The following GOLGA3 variants were observed in gnomAD, a reference collection of about 807,000 sequenced individuals.
GOLGA3 encodes golgin A3, also known as golgin subfamily A member 3.
A neutral mutation model predicts 169.4 loss-of-function variants in GOLGA3; 75 were observed. The ratio of observed to expected loss-of-function variants is 0.44; its 90% CI spans 0.37 to 0.54. The LOEUF (loss-of-function observed/expected upper bound fraction) is 0.54. GOLGA3 is among the 20% of genes least tolerant of loss of function. GOLGA3 has a pLI of 0.00. For missense variants in GOLGA3, 1,899 were observed against 1,930.0 expected (o/e 0.98, Z 0.30); for synonymous variants, 824 against 822.4 (o/e 1.00, Z -0.03).
rs768001834 is a variant in GOLGA3, at chr12:132,772,240, GCTT to G, written c.*862_*864del. On this transcript the variant is annotated 3_prime_UTR_variant, in exon 24 of 24. Transcript: ENST00000450791. ...TTCTTCTTCAATAACATGAGCATAT[GCTT>G]CTTAAAGACTGGGTGACAGGCCGGG... 6.6e-6 allele frequency: 1 copy of G among 152,152 alleles called. No individual in the cohort carries two copies. Among genetic ancestry groups the G allele is most frequent in the Non-Finnish European group, 1.5e-5 (1 of 68,028 alleles). The allele number at this position is 152,152 out of a possible 1,614,324, so 9.4% of individuals were successfully genotyped here. A position where few individuals can be genotyped will look rare whatever the true frequency, so the allele number is the denominator to read the frequency against.
chr12:132,800,454 A>G (rs904967600), intron 8 of GOLGA3, among the ~76,000 whole-genome samples: 5 of 152,144 alleles, frequency 3.3e-5, no homozygotes, highest in African/African-American at 1.2e-4. Flanking sequence ...AGATCACAAC[A>G]CTGTACTCCA....
Position 132,804,151 on chromosome 12 carries a change from G to C in GOLGA3, c.1597+565C>G, listed in dbSNP as rs1593326870. 2.0e-5 allele frequency among the ~76,000 whole-genome samples: 3 copies of C among 152,358 alleles called. 1 individual carries two copies. The South Asian group carries it at 6.2e-4, about 32-fold the overall frequency. On this transcript the variant is annotated intron_variant, in intron 7 of 23. Coordinates refer to ENST00000450791, the MANE Select transcript of GOLGA3 (RefSeq NM_001389683.1). This position sits in a 1 kb window ranked among gnomAD's most constrained non-coding sequence, Gnocchi z 4.1. ...TCTGGGCGAGCCCTATAGGGAGGCA[G>C]CTGGACCGACGCACTGCATCCAGGG...
chr12:132,780,292 A>C (rs2045524048), intron 18 of GOLGA3, among the ~76,000 whole-genome samples: 1 of 152,206 alleles, frequency 6.6e-6, no homozygotes, highest in African/African-American at 2.4e-5. Flanking sequence ...GGAGGTAGCC[A>C]GCAAGCAGCA....
Position 132,796,145 on chromosome 12 carries a change from G to A in GOLGA3, c.2176C>T (p.Leu726Phe), listed in dbSNP as rs759574934. The A allele has an allele frequency of 1.9e-6, 3 of 1,610,602 alleles. No individual in the cohort carries two copies. Among genetic ancestry groups the A allele is most frequent in the Admixed American group, 1.7e-5 (1 of 59,976 alleles). Residue 726 changes from leucine (L) to phenylalanine (F), a missense_variant, in exon 11 of 24, where the codon CTC becomes TTC. Coordinates refer to ENST00000450791, the MANE Select transcript of GOLGA3 (RefSeq NM_001389683.1). ...TGCAGAGCCTCCTGAGTCAAGGTGA[G>A]CTGTTTCATCAGGTCCAGGTGCTCC... is the stretch of plus-strand genomic sequence containing the variant. The part of the protein sequence containing the change: ...QQEHLDLMKQ[L>F]TLTQEALQSR...
At chr12:132,826,505 C>G (rs1351146824) in intron 1 of GOLGA3, among the ~76,000 whole-genome samples, 3 of 151,674 alleles carry the variant, frequency 2.0e-5, no homozygotes, top group African/African-American at 7.3e-5. Flanking sequence ...ATGGTGACAG[C>G]CAACCGCACC....
At position 132,804,978 on chromosome 12, in the gene GOLGA3, G is replaced by C. The variant is rs1225686802; in HGVS notation, c.1335C>G (p.Leu445=). The change falls in exon 7 of 24, where the codon CTC becomes CTG. Residue 445 remains leucine, a synonymous_variant. Transcript: ENST00000450791. This position sits in a 1 kb window ranked among gnomAD's most constrained non-coding sequence, Gnocchi z 4.1. Reference sequence around the variant, plus strand: ...CCACCTGCGCCTGCAGCTTCGTGCTGAGGGCGGCCAGCTGGGCCTGCAGCT... The same window carrying C: ...CCACCTGCGCCTGCAGCTTCGTGCTCAGGGCGGCCAGCTGGGCCTGCAGCT... ...KAELQAQLAA[L]STKLQAQVEC... 1 of 1,612,434 alleles carries C rather than the reference G, an allele frequency of 6.2e-7. No homozygotes were observed. Among genetic ancestry groups the C allele is most frequent in the East Asian group, 2.2e-5 (1 of 44,882 alleles).
At chr12:132,814,518 C>T (rs1268314004) in intron 3 of GOLGA3, among the ~76,000 whole-genome samples, 2 of 152,350 alleles carry the variant, frequency 1.3e-5, no homozygotes, top group South Asian at 2.1e-4. Flanking sequence ...GCTCAGCCGT[C>T]GTGGGGTCAC....
intron 4 of GOLGA3, among the ~76,000 whole-genome samples, chr12:132,809,363 C>T (rs1949582653): frequency 6.6e-6 from 1 of 152,218 alleles, no homozygotes; most frequent in Admixed American, 6.5e-5. Flanking sequence ...CAGTCAGGCC[C>T]TCCACAAGAG....
rs1189864437 is a variant in GOLGA3, at chr12:132,774,205, A to C, written c.4259T>G (p.Val1420Gly). Residue 1420 changes from valine (V) to glycine (G), a missense_variant, in exon 23 of 24, where the codon GTG (valine) becomes GGG (glycine). Coordinates refer to ENST00000450791, the MANE Select transcript of GOLGA3 (RefSeq NM_001389683.1). ...LEELLRPPPA[V>G]SKEPLKNLNS... ...CAGGTTCTTGAGGGGCTCCTTGCTC[A>C]CGGCGGGCGGTGGTCTCAGCAGCTC... The C allele has an allele frequency of 6.2e-7, 1 of 1,609,972 alleles. No homozygotes were observed. The highest frequency in any genetic ancestry group is 1.3e-5 in the African/African-American group (1 of 74,898).
intron 6 of GOLGA3, among the ~76,000 whole-genome samples, chr12:132,805,677 T>C (rs1258822829): frequency 6.6e-6 from 1 of 151,868 alleles, no homozygotes; most frequent in Non-Finnish European, 1.5e-5. Context: ...AAAAGGCGAC[T>C]TTCCAAACAG....
chr12:132,802,559 A>G (rs2136539985), intron 7 of GOLGA3, among the ~76,000 whole-genome samples: 1 of 152,170 alleles, frequency 6.6e-6, no homozygotes, highest in African/African-American at 2.4e-5. Flanking sequence ...CAGGAGTTTG[A>G]GGCTGCAGTG....
intron 4 of GOLGA3, 72 bp downstream of exon 4, chr12:132,813,235 G>T: frequency 1.0e-6 from 1 of 1,000,222 alleles, no homozygotes; most frequent in Non-Finnish European, 1.6e-6. Flanking sequence ...AGGTCCCCGG[G>T]TTATGTGGGA....
intron 22 of GOLGA3, chr12:132,774,872 G>C (rs1733532430): frequency 1.9e-6 from 1 of 528,084 alleles, no homozygotes; most frequent in African/African-American, 2.0e-5. Context: ...GGACTGCCGA[G>C]TCACAGACCA....
intron 23 of GOLGA3, 110 bp from the exon 24 acceptor site, chr12:132,773,404 G>A (rs138174089): frequency 0.011 from 6,966 of 617,808 alleles, 85 homozygotes; most frequent in Middle Eastern, 0.035. Flanking sequence ...GGGCGCCTTC[G>A]GGGATCCGCA....
chr12:132,798,432 C>G lies in GOLGA3; in HGVS notation c.1846G>C (p.Glu616Gln). 1 of 1,613,446 alleles carries G rather than the reference C, an allele frequency of 6.2e-7. No individual in the cohort carries two copies. The highest frequency in any genetic ancestry group is 8.5e-7 in the Non-Finnish European group (1 of 1,179,722). Residue 616 changes from glutamate (E) to glutamine (Q), a missense_variant, in exon 9 of 24, where the codon GAG (glutamate) becomes CAG (glutamine). Glu to Gln is a conservative substitution (Grantham distance 29). Transcript: ENST00000450791. ...AGCTGCTGGGACAGGGACACATTCT[C>G]GAGTTTCAGGTGCTCCAGGAGACCT... ...QAGLLEHLKL[E>Q]NVSLSQQLTE...
chr12:132,774,017 A>G (rs535428317), intron 23 of GOLGA3, 140 bp downstream of exon 23: 187 of 687,266 alleles, frequency 2.7e-4, no homozygotes, highest in Non-Finnish European at 3.3e-4. Context: ...CTCAGAGGCT[A>G]TGTATGCGAG....
At chr12:132,827,281 A>G (rs1326459588) in intron 1 of GOLGA3, among the ~76,000 whole-genome samples, 1 of 152,238 alleles carries the variant, frequency 6.6e-6, no homozygotes, top group Admixed American at 6.5e-5. Context: ...ACACAGATCT[A>G]TACACAAAGT....
chr12:132,810,891 T>C (rs1279410909), intron 4 of GOLGA3, among the ~76,000 whole-genome samples: 2 of 152,248 alleles, frequency 1.3e-5, no homozygotes, highest in African/African-American at 2.4e-5. Flanking sequence ...ACTCCTAGTC[T>C]GCTTTCATGT....
chr12:132,814,959 G>A (rs753397827), intron 3 of GOLGA3, among the ~76,000 whole-genome samples: 5 of 152,160 alleles, frequency 3.3e-5, no homozygotes, highest in Non-Finnish European at 7.3e-5. Flanking sequence ...AGCAGACACC[G>A]CCCGACGGCC....
Sources: allele counts gnomAD v4.1 joint callset (sites outside exome capture counted in the v4.1 genomes callset), GRCh38; gene constraint gnomAD v4.1.1; non-coding constraint Gnocchi (gnomAD v3.1); transcripts MANE v1.5; gene names NCBI Gene and HGNC (gene_info 2026-07-23, HGNC 2026-07-21).